SGIP1: variants seen among roughly 807,000 people sequenced by gnomAD.
SGIP1 encodes SH3-containing GRB2-like protein 3-interacting protein 1.
SGIP1 carries 38 observed loss-of-function variants against 107.5 expected under a neutral mutation model. The ratio of observed to expected loss-of-function variants is 0.35; its 90% CI spans 0.27 to 0.46. The LOEUF (loss-of-function observed/expected upper bound fraction) is 0.46, where lower values mean the gene tolerates loss of function less well. Ranked by LOEUF, SGIP1 falls within the 20% of genes least tolerant of loss-of-function variation. The probability of loss-of-function intolerance (pLI) is 1.00; values close to 1 mark genes in which losing one functional copy is unlikely to be tolerated. For synonymous variants in SGIP1, 365 were observed against 366.1 expected, an observed-to-expected ratio of 1.00 and a Z score of 0.03; for missense variants, 929 against 1,019.5, an observed-to-expected ratio of 0.91 and a Z score of 1.21.
Position 66,658,865 on chromosome 1 carries a change from C to T in SGIP1, c.460-1648C>T, listed in dbSNP as rs537714444. 4.9e-4 allele frequency among the ~76,000 whole-genome samples: 75 copies of T among 152,144 alleles called. 1 individual carries two copies. The highest frequency in any genetic ancestry group is 2.6e-3 in the Admixed American group (40 of 15,274). On this transcript the variant is annotated intron_variant, in intron 7 of 24. Coordinates refer to ENST00000371037, the MANE Select transcript of SGIP1 (RefSeq NM_032291.4). ...GAAGGGAACAATTTATTTTGGCAGG[C>T]GAATCTGGGAAAGGTCTCATGGAAG...
At chr1:66,684,102 T>C (rs1037821317) in intron 15 of SGIP1, 1 of 1,550,324 alleles carries the variant, frequency 6.5e-7, no homozygotes, top group Non-Finnish European at 8.7e-7. Flanking sequence ...TTTCCCTTTT[T>C]ACAGATGGGA....
chr1:66,664,139 T>C (rs2082067564), intron 8 of SGIP1, among the ~76,000 whole-genome samples: 2 of 152,190 alleles, frequency 1.3e-5, no homozygotes, highest in African/African-American at 4.8e-5. Context: ...CACTAAAGAA[T>C]AATAAAGTCT....
At chr1:66,649,902 T>C (rs2078407808) in intron 7 of SGIP1, among the ~76,000 whole-genome samples, 1 of 152,184 alleles carries the variant, frequency 6.6e-6, no homozygotes, top group Admixed American at 6.5e-5. Context: ...AGTTGATGAC[T>C]TTTGGTATGT....
intron 1 of SGIP1, among the ~76,000 whole-genome samples, chr1:66,611,892 G>A (rs1463709885): frequency 6.6e-6 from 1 of 152,192 alleles, no homozygotes; most frequent in African/African-American, 2.4e-5. Flanking sequence ...TGCCTCATGT[G>A]AACACTAGAT....
At chr1:66,554,312 A>G (rs891094346) in intron 1 of SGIP1, among the ~76,000 whole-genome samples, 2 of 152,136 alleles carry the variant, frequency 1.3e-5, no homozygotes, top group South Asian at 2.1e-4. Context: ...GCTTTTTACA[A>G]TCTTTTGAGA....
Position 66,729,381 on chromosome 1 carries a change from G to C in SGIP1, c.1860G>C (p.Arg620Ser), listed in dbSNP as rs1394119036. The change falls in exon 20 of 25, where the codon AGG becomes AGC. Residue 620 changes from arginine (R) to serine (S), a missense_variant. By Grantham distance (110) the Arg-to-Ser change is moderately radical (BLOSUM62 -1). Around this residue, in one of 2 missense-constraint regions of SGIP1, gnomAD observed 341 missense variants for 430.9 expected, o/e 0.79. Coordinates refer to ENST00000371037, the MANE Select transcript of SGIP1 (RefSeq NM_032291.4). The stretch of plus-strand genomic sequence containing the variant: ...CTTTTCGGGTGATAAATTTCAGCAG[G>C]TTAGAACACGTCCTGCCAAACCCCC... ...ALTFRVINFS[R>S]LEHVLPNPQL... 6.2e-7 allele frequency: 1 copy of C among 1,614,014 alleles called. No individual in the cohort carries two copies. Among genetic ancestry groups the C allele is most frequent in the Admixed American group, 1.7e-5 (1 of 60,008 alleles).
intron 7 of SGIP1, among the ~76,000 whole-genome samples, chr1:66,646,061 G>A (rs933995773): frequency 6.6e-6 from 1 of 152,198 alleles, no homozygotes; most frequent in South Asian, 2.1e-4. Context: ...GGCTGGTCTC[G>A]AATTGCTGAC....
At chr1:66,545,835 T>A (rs1041487033) in intron 1 of SGIP1, among the ~76,000 whole-genome samples, 14 of 152,248 alleles carry the variant, frequency 9.2e-5, no homozygotes, top group Non-Finnish European at 1.8e-4. Flanking sequence ...AAGCTCCCAA[T>A]AAATCTTAAT....
intron 1 of SGIP1, among the ~76,000 whole-genome samples, chr1:66,607,631 T>C (rs4488004): frequency 0.49 from 74,871 of 152,074 alleles, 18,891 homozygotes; most frequent in African/African-American, 0.6. Flanking sequence ...CAGGGGATTC[T>C]CCGAAAGGTC....
At chr1:66,722,396 G>A (rs1267375791) in intron 19 of SGIP1, among the ~76,000 whole-genome samples, 2 of 151,936 alleles carry the variant, frequency 1.3e-5, no homozygotes, top group African/African-American at 4.8e-5. Flanking sequence ...CTTTTATGTT[G>A]TTGTTGTCCA....
At chr1:66,601,600 A>T (rs2065848901) in intron 1 of SGIP1, among the ~76,000 whole-genome samples, 1 of 152,116 alleles carries the variant, frequency 6.6e-6, no homozygotes, top group Non-Finnish European at 1.5e-5. Context: ...AGAAAGCTAA[A>T]TGATCTAGTC....
At chr1:66,654,047 A>G (rs1002292031) in intron 7 of SGIP1, among the ~76,000 whole-genome samples, 5 of 152,184 alleles carry the variant, frequency 3.3e-5, no homozygotes, top group Admixed American at 2.0e-4. Context: ...TAGGGCCCAC[A>G]GCAGTGAATG....
At chr1:66,691,038 A>C (rs901658369) in intron 17 of SGIP1, among the ~76,000 whole-genome samples, 3 of 151,684 alleles carry the variant, frequency 2.0e-5, no homozygotes, top group African/African-American at 7.3e-5. Context: ...CTCTTTTTCC[A>C]CCTCCCAGCA....
intron 18 of SGIP1, among the ~76,000 whole-genome samples, chr1:66,714,619 T>C (rs2093125075): frequency 6.6e-6 from 1 of 152,156 alleles, no homozygotes; most frequent in Non-Finnish European, 1.5e-5. Flanking sequence ...TTGTTCTTAC[T>C]GTAAAAATTC....
At chr1:66,585,570 TTGTGTGTG>T (rs113981156) in intron 1 of SGIP1, among the ~76,000 whole-genome samples, 1 of 149,952 alleles carries the variant, frequency 6.7e-6, no homozygotes, top group Non-Finnish European at 1.5e-5. Context: ...GCTTTGGAGT[TTGTGTGTG>T]TGTGTGTGTG....
intron 1 of SGIP1, among the ~76,000 whole-genome samples, chr1:66,542,309 G>A (rs2055168542): frequency 1.3e-5 from 2 of 152,102 alleles, no homozygotes; most frequent in Non-Finnish European, 2.9e-5. Context: ...ATTTAGAACA[G>A]TTATAACAAT....
intron 18 of SGIP1, among the ~76,000 whole-genome samples, chr1:66,703,874 CTG>C (rs535613429): frequency 1.4e-4 from 20 of 141,966 alleles, no homozygotes; most frequent in South Asian, 2.3e-4. Context: ...AAAAAGAACT[CTG>C]TGTGTGTGTG....
At chr1:66,538,827 G>A (rs1443921360) in intron 1 of SGIP1, among the ~76,000 whole-genome samples, 1 of 152,156 alleles carries the variant, frequency 6.6e-6, no homozygotes, top group East Asian at 1.9e-4. Flanking sequence ...GGCATTAAAT[G>A]TGTTTTTAAT....
At chr1:66,724,710 T>C (rs1033699311) in intron 19 of SGIP1, among the ~76,000 whole-genome samples, 1 of 152,158 alleles carries the variant, frequency 6.6e-6, no homozygotes, top group Non-Finnish European at 1.5e-5. Context: ...CAGATGCCTG[T>C]TGAGTTAATA....
Sources: allele counts gnomAD v4.1 joint callset (sites outside exome capture counted in the v4.1 genomes callset), GRCh38; gene constraint gnomAD v4.1.1; regional missense constraint gnomAD v4.1.1; transcripts MANE v1.5; gene names NCBI Gene and HGNC (gene_info 2026-07-23, HGNC 2026-07-21).